LRRK1: variants seen among roughly 807,000 people sequenced by gnomAD.
LRRK1 encodes leucine rich repeat kinase 1, also known as leucine-rich repeat serine/threonine-protein kinase 1.
LRRK1 carries 113 observed loss-of-function variants against 209.1 expected under a neutral mutation model. The observed-to-expected ratio is 0.54, with a 90% CI of 0.46 to 0.63. The LOEUF is 0.63. LRRK1 is among the 30% of genes least tolerant of loss of function. The pLI is 0.00. For synonymous variants in LRRK1, 1,144 were observed against 1,099.7 expected, an observed-to-expected ratio of 1.04 and a Z score of -0.80; for missense variants, 2,284 against 2,632.2, an observed-to-expected ratio of 0.87 and a Z score of 2.89.
chr15:101,027,821 C>G lies in LRRK1; in HGVS notation c.2686+24C>G, dbSNP rs748876452. The G allele has an allele frequency of 7.1e-6, 11 of 1,545,750 alleles. No individual in the cohort carries two copies. The South Asian group carries it at 1.3e-4, about 19-fold the overall frequency. On this transcript the variant is annotated intron_variant, in intron 19 of 33. Transcript: ENST00000388948. This position sits in a 1 kb window ranked among gnomAD's most constrained non-coding sequence, Gnocchi z 5.1. ...AGGTGGGTGGGGCTGGGGTAGGTGG[C>G]AGGGTGCCCGTGAGAAATGGAACTG...
In LRRK1 at chr15:101,024,013, G is replaced by T. The variant is rs1053731636; in HGVS notation, c.2068-790G>T. Among the ~76,000 whole-genome samples the T allele has an allele frequency of 6.6e-6, 1 of 152,046 alleles. No homozygotes were observed. The highest frequency in any genetic ancestry group is 2.4e-5 in the African/African-American group (1 of 41,384). ...TAGCTGAGGCCTGAGGGGTGAATTC[G>T]TGCTTCTATTTTTCCTGACCTTCAC... is the stretch of plus-strand genomic sequence containing the variant. On this transcript the variant is annotated intron_variant, in intron 15 of 33. Transcript: ENST00000388948. The surrounding 1 kb of genome is among the most constrained non-coding windows in gnomAD (Gnocchi z 4.6).
Position 100,992,042 on chromosome 15 carries a change from T to G in LRRK1, c.762+2644T>G, listed in dbSNP as rs74247578. ...TTGAACTCCTATTATAAATGCTCATTGTCTTTTTTTAACTGCTGGATTTGA... is the reference window on the plus strand; with the variant it reads ...TTGAACTCCTATTATAAATGCTCATGGTCTTTTTTTAACTGCTGGATTTGA... On this transcript the variant is annotated intron_variant, in intron 6 of 33. Coordinates refer to ENST00000388948, the MANE Select transcript of LRRK1 (RefSeq NM_024652.6). Among the ~76,000 whole-genome samples, 4 of 152,198 alleles carry G rather than the reference T, an allele frequency of 2.6e-5. No homozygotes were observed. In the East Asian group the frequency reaches 7.7e-4, roughly 29 times the overall value.
chr15:100,956,460 T>TC (rs1567199351), intron 2 of LRRK1, among the ~76,000 whole-genome samples: 13 of 100,020 alleles, frequency 1.3e-4, no homozygotes, highest in Middle Eastern at 5.0e-3. Context: ...TTTTTCTTTT[T>TC]TTTTTTTTTT....
chr15:101,006,388 AAAAAG>A (rs1472768374), intron 6 of LRRK1, among the ~76,000 whole-genome samples: 212 of 147,272 alleles, frequency 1.4e-3, no homozygotes, highest in African/African-American at 5.4e-3. Flanking sequence ...AAAAAAAAAA[AAAAAG>A]AAAAGGCATT....
chr15:101,044,475 G>C (rs548684432), intron 20 of LRRK1, among the ~76,000 whole-genome samples: 138 of 152,306 alleles, frequency 9.1e-4, no homozygotes, highest in African/African-American at 3.3e-3. Flanking sequence ...TCCCTGGGAC[G>C]GCCTTTCCCA....
At chr15:101,020,978 A>G in intron 12 of LRRK1, 75 bp from the exon 13 acceptor site, 1 of 1,567,434 alleles carries the variant, frequency 6.4e-7, no homozygotes, top group Non-Finnish European at 8.7e-7. Flanking sequence ...ATCAGTTTAT[A>G]CGCCCACCTG....
chr15:101,026,765 T>C (rs1435559167), intron 17 of LRRK1, among the ~76,000 whole-genome samples: 1 of 152,240 alleles, frequency 6.6e-6, no homozygotes, highest in African/African-American at 2.4e-5. Context: ...TTGCATTATC[T>C]GCACTGATGG....
chr15:101,049,595 T>C, intron 22 of LRRK1, 49 bp from the exon 23 acceptor site: 1 of 1,590,622 alleles, frequency 6.3e-7, no homozygotes, highest in Non-Finnish European at 8.6e-7. Context: ...CATCCCAGGG[T>C]CCCCCAGAGC....
chr15:101,012,901 G>A lies in LRRK1; in HGVS notation c.1419+756G>A, dbSNP rs532665884. ...GAAAGGAGCCACGCGGGGTGCCCCC[G>A]GGGGGGGGTGGTCCCACATCATACT... On this transcript the variant is annotated intron_variant, in intron 10 of 33. Transcript: ENST00000388948. Among the ~76,000 whole-genome samples the A allele has an allele frequency of 3.4e-3, 426 of 124,446 alleles. 2 individuals are homozygous for A. Among genetic ancestry groups the A allele is most frequent in the African/African-American group, 0.012 (388 of 33,096 alleles). The allele number at this position is 124,446 out of a possible 152,430, so 81.6% of individuals were successfully genotyped here. A position where few individuals can be genotyped will look rare whatever the true frequency, so the allele number is the denominator to read the frequency against.
chr15:101,067,298 G>A (rs551496817), intron 33 of LRRK1: 1 of 456,276 alleles, frequency 2.2e-6, no homozygotes, highest in East Asian at 6.9e-5. Context: ...CCGGGACATG[G>A]TCTACATGGT....
intron 6 of LRRK1, among the ~76,000 whole-genome samples, chr15:100,992,144 TTC>T (rs1356398609): frequency 6.6e-6 from 1 of 152,178 alleles, no homozygotes; most frequent in African/African-American, 2.4e-5. Context: ...TTTTTAATGT[TTC>T]TATGTGGTTT....
intron 2 of LRRK1, among the ~76,000 whole-genome samples, chr15:100,932,274 C>T (rs2042226727): frequency 6.6e-6 from 1 of 152,174 alleles, no homozygotes; most frequent in Non-Finnish European, 1.5e-5. Flanking sequence ...GCGTGAGCCA[C>T]AGCACCTGGC....
In LRRK1 at chr15:100,920,438, C is replaced by T. The variant is rs190772224; in HGVS notation, c.-123+987C>T. 1.9e-3 allele frequency among the ~76,000 whole-genome samples: 293 copies of T among 152,280 alleles called. 1 individual carries two copies. Among genetic ancestry groups the T allele is most frequent in the Middle Eastern group, 3.4e-3 (1 of 294 alleles). ...ATGATTTGATTCTCTTCATCTTTGC[C>T]TATGTCCTGAAAGAGAAAATAATAT... On this transcript the variant is annotated intron_variant, in intron 1 of 33. Coordinates refer to ENST00000388948, the MANE Select transcript of LRRK1 (RefSeq NM_024652.6).
At chr15:101,035,888 C>T (rs1436224936) in intron 20 of LRRK1, among the ~76,000 whole-genome samples, 1 of 151,926 alleles carries the variant, frequency 6.6e-6, no homozygotes, top group Admixed American at 6.6e-5. Flanking sequence ...TTTTTGCTTC[C>T]AGGTTAAGGA....
rs369153196 is a variant in LRRK1, at chr15:100,959,566, G to C, written c.98-14238G>C. Among the ~76,000 whole-genome samples the C allele has an allele frequency of 1.6e-4, 24 of 152,308 alleles. 2 individuals carry two copies. Among genetic ancestry groups the C allele is most frequent in the Admixed American group, 7.8e-4 (12 of 15,290 alleles). ...CAGGAACAAAAGCTAAGGGAAGCTT[G>C]GTCCATAGAGGAAATGAGAGTGCAG... On this transcript the variant is annotated intron_variant, in intron 2 of 33. Coordinates refer to ENST00000388948, the MANE Select transcript of LRRK1 (RefSeq NM_024652.6).
intron 6 of LRRK1, among the ~76,000 whole-genome samples, chr15:100,997,672 C>T (rs1353684919): frequency 6.6e-6 from 1 of 152,220 alleles, no homozygotes; most frequent in African/African-American, 2.4e-5. Flanking sequence ...CAGGGTCTTG[C>T]TGCTGGCACT....
At position 100,973,803 on chromosome 15, in the gene LRRK1, G is replaced by T; in HGVS notation, c.98-1G>T. 1 of 1,284,918 alleles carries T rather than the reference G, an allele frequency of 7.8e-7. No homozygotes were observed. The highest frequency in any genetic ancestry group is 9.9e-7 in the Non-Finnish European group (1 of 1,013,658). The allele number at this position is 1,284,918 out of a possible 1,614,324, so 79.6% of individuals were successfully genotyped here. A position where few individuals can be genotyped will look rare whatever the true frequency, so the allele number is the denominator to read the frequency against. ...GTGTGTGTGTGCTTCCTCCCGCGCAGGTGCCGGGGACACGGGCGGCAAGCC... is the reference window on the plus strand; with the variant it reads ...GTGTGTGTGTGCTTCCTCCCGCGCATGTGCCGGGGACACGGGCGGCAAGCC... On this transcript the variant is annotated splice_acceptor_variant, in intron 2 of 33. Transcript: ENST00000388948. LOFTEE classifies it high-confidence loss of function.
rs546323254 is a variant in LRRK1 at position 100,973,789 on chromosome 15, C to T, written c.98-15C>T. On this transcript the variant is annotated splice_polypyrimidine_tract_variant and intron_variant, in intron 2 of 33. Coordinates refer to ENST00000388948, the MANE Select transcript of LRRK1 (RefSeq NM_024652.6). ...TGGGCGGTGACGCCGTGTGTGTGTG[C>T]TTCCTCCCGCGCAGGTGCCGGGGAC... 1 of 1,277,488 alleles carries T rather than the reference C, an allele frequency of 7.8e-7. No homozygotes were observed. The allele number at this position is 1,277,488 out of a possible 1,614,324, so 79.1% of individuals were successfully genotyped here.
chr15:100,949,118 A>G lies in LRRK1; in HGVS notation c.97+24389A>G, dbSNP rs370588356. On this transcript the variant is annotated intron_variant, in intron 2 of 33. Coordinates refer to ENST00000388948, the MANE Select transcript of LRRK1 (RefSeq NM_024652.6). ...TTGAAAAAACCAACGATTTTTGTTG[A>G]CAAACCTTTAGTTAGAATGACCTTA... Among the ~76,000 whole-genome samples, 28 of 152,226 alleles carry G rather than the reference A, an allele frequency of 1.8e-4. 2 individuals are homozygous for G. Among genetic ancestry groups the G allele is most frequent in the Admixed American group, 7.9e-4 (12 of 15,282 alleles).
Sources: allele counts gnomAD v4.1 joint callset (sites outside exome capture counted in the v4.1 genomes callset), GRCh38; gene constraint gnomAD v4.1.1; non-coding constraint Gnocchi (gnomAD v3.1); transcripts MANE v1.5; gene names NCBI Gene and HGNC (gene_info 2026-07-23, HGNC 2026-07-21).